Variants in SURF4 observed in about 807,000 individuals in gnomAD.
SURF4 encodes surfeit locus protein 4.
SURF4 carries 3 observed loss-of-function variants against 30.0 expected under a neutral mutation model. The ratio of observed to expected loss-of-function variants is 0.10; its 90% CI spans 0.05 to 0.26. The LOEUF is 0.26. Ranked by LOEUF, SURF4 falls within the 10% of genes least tolerant of loss-of-function variation. The pLI, the probability that SURF4 is intolerant of heterozygous loss-of-function variation, is 1.00. For synonymous variants in SURF4, 143 were observed against 139.9 expected (o/e 1.02, Z -0.16); for missense variants, 217 against 350.8 (o/e 0.62, Z 3.05).
intron 1 of SURF4, among the ~76,000 whole-genome samples, chr9:133,373,462 G>A (rs2130207378): frequency 1.3e-5 from 2 of 152,088 alleles, no homozygotes; most frequent in East Asian, 3.8e-4. Flanking sequence ...AATTAGCGGG[G>A]CGTGGTGGCG....
chr9:133,367,579 C>A, intron 1 of SURF4, 134 bp from the exon 2 acceptor site: 1 of 1,532,300 alleles, frequency 6.5e-7, no homozygotes, highest in Non-Finnish European at 8.7e-7. Flanking sequence ...GCCCCGGTGC[C>A]TTCCCAGGGC....
At chr9:133,376,545 C>T, upstream of SURF4, 1 of 1,598,990 alleles carries the variant, frequency 6.3e-7, no homozygotes. Context: ...CCGGAGAGCC[C>T]ATGGAGAAGT....
intron 1 of SURF4, among the ~76,000 whole-genome samples, chr9:133,369,113 CT>C (rs1837353613): frequency 6.6e-6 from 1 of 152,206 alleles, no homozygotes; most frequent in Non-Finnish European, 1.5e-5. Flanking sequence ...GGGGCCCTGA[CT>C]AGGTCAGCAC....
In SURF4 at chr9:133,363,846, T is replaced by C. The variant is rs2130094462; in HGVS notation, c.544-87A>G. 1.3e-6 allele frequency: 2 copies of C among 1,523,438 alleles called. No individual in the cohort carries two copies. The highest frequency in any genetic ancestry group is 1.8e-5 in the Admixed American group (1 of 56,700). The allele number at this position is 1,523,438 out of a possible 1,614,324, so 94.4% of individuals were successfully genotyped here. A position where few individuals can be genotyped will look rare whatever the true frequency, so the allele number is the denominator to read the frequency against. On this transcript the variant is annotated intron_variant, in intron 5 of 5. Coordinates refer to ENST00000371989, the MANE Select transcript of SURF4 (RefSeq NM_033161.4). This position sits in a 1 kb window ranked among gnomAD's most constrained non-coding sequence, Gnocchi z 4.3. ...CAAAAGTTCCAGCTGCTGCACGTCA[T>C]GAAGTCTCTATCCATCAGGCTGATG...
At chr9:133,364,734 C>A in intron 5 of SURF4, 106 bp downstream of exon 5, 2 of 1,123,744 alleles carry the variant, frequency 1.8e-6, no homozygotes, top group Admixed American at 2.7e-5. Flanking sequence ...GCAGCTCCCC[C>A]AGGCTGTGGT....
chr9:133,368,063 A>G (rs1019513174), intron 1 of SURF4, among the ~76,000 whole-genome samples: 4 of 152,100 alleles, frequency 2.6e-5, no homozygotes, highest in Non-Finnish European at 4.4e-5. Context: ...CTCTGGTCCA[A>G]CCCCTCACCT....
intron 1 of SURF4, 126 bp from the exon 2 acceptor site, chr9:133,367,571 C>A: frequency 6.5e-7 from 1 of 1,543,408 alleles, no homozygotes; most frequent in Non-Finnish European, 8.7e-7. Flanking sequence ...TCTTGTCAGC[C>A]CCGGTGCCTT....
chr9:133,369,344 C>G (rs1837369249), intron 1 of SURF4, among the ~76,000 whole-genome samples: 1 of 152,162 alleles, frequency 6.6e-6, no homozygotes, highest in Admixed American at 6.5e-5. Flanking sequence ...TTCTGAGGCC[C>G]TGTGATCTCA....
At chr9:133,373,528 G>A (rs181347454) in intron 1 of SURF4, among the ~76,000 whole-genome samples, 28 of 152,136 alleles carry the variant, frequency 1.8e-4, no homozygotes, top group South Asian at 1.0e-3. Context: ...GCTTGAACCC[G>A]GGAGGCGGAG....
rs142852031 is a variant in SURF4, at chr9:133,375,993, G to GGCTC, written c.-28_-25dup. 3.7e-4 allele frequency: 453 copies of GGCTC among 1,223,846 alleles called. No homozygotes were observed. The highest frequency in any genetic ancestry group is 1.6e-3 in the East Asian group (49 of 30,506). 75.8% of individuals were successfully genotyped at this position (1,223,846 alleles called of 1,614,324 possible). A position where few individuals can be genotyped will look rare whatever the true frequency, so the allele number is the denominator to read the frequency against. ...ATGGCGACGGCGGGAGGCTCGGCTC[G>GGCTC]GCTCGCTCGCTCGCTCGCTGGCTCT... On this transcript the variant is annotated 5_prime_UTR_variant, in exon 1 of 6. Transcript: ENST00000371989.
Position 133,371,542 on chromosome 9 carries a change from G to A in SURF4, c.49-4097C>T, listed in dbSNP as rs2130190315. On this transcript the variant is annotated intron_variant, in intron 1 of 5. Transcript: ENST00000371989. ...GTAACTGAGAACGACTGGGCCCCATGTTCTGGGAGGAGCCCCGCTAACCAC... is the reference window on the plus strand; with the variant it reads ...GTAACTGAGAACGACTGGGCCCCATATTCTGGGAGGAGCCCCGCTAACCAC... 2.0e-3 allele frequency among the ~76,000 whole-genome samples: 298 copies of A among 152,362 alleles called. 1 individual carries two copies. The highest frequency in any genetic ancestry group is 6.9e-3 in the African/African-American group (286 of 41,588).
upstream of SURF4, chr9:133,376,534 C>G: frequency 6.2e-7 from 1 of 1,600,382 alleles, no homozygotes; most frequent in Non-Finnish European, 8.5e-7. Flanking sequence ...CCCAGGGTCC[C>G]CCGGAGAGCC....
chr9:133,367,974 CACG>C (rs1472361492), intron 1 of SURF4, among the ~76,000 whole-genome samples: 11 of 152,234 alleles, frequency 7.2e-5, no homozygotes, highest in Admixed American at 5.9e-4. Flanking sequence ...GGCTATGACG[CACG>C]ACATGTCTGC....
intron 1 of SURF4, among the ~76,000 whole-genome samples, chr9:133,368,312 C>T (rs2130156699): frequency 6.6e-6 from 1 of 152,302 alleles, no homozygotes; most frequent in South Asian, 2.1e-4. Context: ...AGTAAGATCA[C>T]GTTTACAGTT....
chr9:133,366,518 T>C, intron 3 of SURF4, 81 bp downstream of exon 3: 1 of 1,483,386 alleles, frequency 6.7e-7, no homozygotes, highest in South Asian at 1.1e-5. Context: ...GGAGTGACAC[T>C]GAACCCTCAA....
chr9:133,366,941 C>T (rs1212052456), intron 2 of SURF4, among the ~76,000 whole-genome samples: 4 of 152,212 alleles, frequency 2.6e-5, no homozygotes, highest in Non-Finnish European at 5.9e-5. Flanking sequence ...GTCAGCCACC[C>T]ACCTGAGGTA....
rs2130130235 is a variant in SURF4 at position 133,366,644 on chromosome 9, G to A, written c.267C>T (p.Phe89=). The change falls in exon 3 of 6, where the codon TTC becomes TTT. Residue 89 remains phenylalanine, a synonymous_variant. Coordinates refer to ENST00000371989, the MANE Select transcript of SURF4 (RefSeq NM_033161.4). ...TGCVLVLSRN[F]VQYACFGLFG... ...AGAGCCCGAAGCAGGCGTACTGCACGAAGTTCCTGCTCAACACCAGGACGC... is the reference window on the plus strand; with the variant it reads ...AGAGCCCGAAGCAGGCGTACTGCACAAAGTTCCTGCTCAACACCAGGACGC... The A allele has an allele frequency of 1.9e-5, 31 of 1,613,788 alleles. No individual in the cohort carries two copies. The African/African-American group carries it at 2.4e-4, about 13-fold the overall frequency.
chr9:133,373,150 C>G (rs960132042), intron 1 of SURF4, among the ~76,000 whole-genome samples: 1 of 152,202 alleles, frequency 6.6e-6, no homozygotes, highest in Non-Finnish European at 1.5e-5. Context: ...CGCTGGGGAC[C>G]AAGACCCGGC....
chr9:133,376,265 C>CCGCGCGCAGGCCCTGCGGT (rs1462519308), upstream of SURF4: 6 of 1,304,528 alleles, frequency 4.6e-6, no homozygotes, highest in African/African-American at 3.1e-5. Flanking sequence ...GCCCCGCCCG[C>CCGCGCGCAGGCCCTGCGGT]CGCGCGCAGG....
Sources: gnomAD v4.1 joint callset for allele counts (sites outside exome capture counted in the v4.1 genomes callset) on GRCh38, gnomAD v4.1.1 for gene constraint, Gnocchi (gnomAD v3.1) non-coding constraint, MANE v1.5 for transcripts, NCBI Gene and HGNC (gene_info 2026-07-23, HGNC 2026-07-21) for gene names.